Variants in CYTH3 observed in about 807,000 individuals in gnomAD.
The protein encoded by CYTH3 is cytohesin-3.
In CYTH3, 23 loss-of-function variants were observed where a neutral mutation model predicts 55.1. The ratio of observed to expected loss-of-function variants is 0.42; its 90% CI spans 0.30 to 0.59. CYTH3 has a LOEUF of 0.59. Ranked by LOEUF, CYTH3 falls within the 20% of genes least tolerant of loss-of-function variation. The pLI is 0.20. For synonymous variants in CYTH3, 249 were observed against 194.9 expected (o/e 1.28, Z -2.31); for missense variants, 413 against 524.8 (o/e 0.79, Z 2.08).
intron 1 of CYTH3, among the ~76,000 whole-genome samples, chr7:6,271,555 C>A (rs939945026): frequency 4.6e-5 from 7 of 152,144 alleles, no homozygotes; most frequent in Admixed American, 2.0e-4. Flanking sequence ...TAACCCTTTG[C>A]TTTCCAAAGC....
At chr7:6,228,777 T>C (rs1478231492) in intron 1 of CYTH3, among the ~76,000 whole-genome samples, 2 of 152,210 alleles carry the variant, frequency 1.3e-5, no homozygotes, top group African/African-American at 2.4e-5. Flanking sequence ...TTTTTAAGAA[T>C]GTAAAAATCC....
At chr7:6,238,724 G>A (rs1019686612) in intron 1 of CYTH3, among the ~76,000 whole-genome samples, 1 of 152,030 alleles carries the variant, frequency 6.6e-6, no homozygotes, top group Non-Finnish European at 1.5e-5. Context: ...TAGGTTCATC[G>A]ACTGTAACAA....
At chr7:6,247,888 A>C (rs538728016) in intron 1 of CYTH3, among the ~76,000 whole-genome samples, 8 of 150,490 alleles carry the variant, frequency 5.3e-5, no homozygotes, top group Non-Finnish European at 1.0e-4. Flanking sequence ...CCTGGTCTTA[A>C]ACTCCTGGGC....
chr7:6,272,200 A>T (rs1330484035), intron 1 of CYTH3, among the ~76,000 whole-genome samples: 2 of 150,640 alleles, frequency 1.3e-5, no homozygotes, highest in African/African-American at 4.9e-5. Context: ...CCGGCCCGAG[A>T]CTCCGGGGCG....
intron 1 of CYTH3, among the ~76,000 whole-genome samples, chr7:6,246,006 A>T (rs1779804748): frequency 6.6e-6 from 1 of 152,198 alleles, no homozygotes; most frequent in Non-Finnish European, 1.5e-5. Context: ...CCTCTCCCCA[A>T]AAAAGGTACT....
In CYTH3 at chr7:6,259,772, T is replaced by TATAATATA. The variant is rs1491219669; in HGVS notation, c.34+12701_34+12702insTATATTAT. 5.2e-3 allele frequency among the ~76,000 whole-genome samples: 158 copies of TATAATATA among 30,478 alleles called. 5 individuals are homozygous for TATAATATA. Among genetic ancestry groups the TATAATATA allele is most frequent in the Non-Finnish European group, 6.2e-3 (136 of 21,954 alleles). 20.0% of individuals were successfully genotyped at this position (30,478 alleles called of 152,430 possible). ...TATATATATATTATATATATATATA[T>TATAATATA]TATATATATATAATATATATATATA... On this transcript the variant is annotated intron_variant, in intron 1 of 12. Transcript: ENST00000350796.
intron 1 of CYTH3, among the ~76,000 whole-genome samples, chr7:6,206,456 G>C (rs538041743): frequency 6.6e-6 from 1 of 152,324 alleles, no homozygotes; most frequent in African/African-American, 2.4e-5. Context: ...AATCTGGGGA[G>C]GCAGAAAGTA....
At chr7:6,216,307 G>A (rs1392628707) in intron 1 of CYTH3, among the ~76,000 whole-genome samples, 5 of 152,010 alleles carry the variant, frequency 3.3e-5, no homozygotes, top group Non-Finnish European at 5.9e-5. Flanking sequence ...CATTTCATTT[G>A]AACTGGTAAA....
In CYTH3 at chr7:6,170,510, G is replaced by T; in HGVS notation, c.823+25C>A. The T allele has an allele frequency of 6.2e-7, 1 of 1,608,714 alleles. No homozygotes were observed. Among genetic ancestry groups the T allele is most frequent in the Non-Finnish European group, 8.5e-7 (1 of 1,176,244 alleles). On this transcript the variant is annotated intron_variant, in intron 9 of 12. Transcript: ENST00000350796. The surrounding 1 kb of genome is among the most constrained non-coding windows in gnomAD (Gnocchi z 7.8). ...TGCCATGGGCAGAGGGGTCACGCCC[G>T]GGTCCCGCTGGGCCGGCGGCTCACC...
intron 1 of CYTH3, among the ~76,000 whole-genome samples, chr7:6,255,199 G>T (rs967576492): frequency 8.5e-5 from 13 of 152,148 alleles, no homozygotes; most frequent in African/African-American, 3.1e-4. Flanking sequence ...TGACAGAGCT[G>T]CAGATATTTA....
At chr7:6,182,253 T>G (rs1783523108) in intron 4 of CYTH3, among the ~76,000 whole-genome samples, 1 of 152,222 alleles carries the variant, frequency 6.6e-6, no homozygotes, top group African/African-American at 2.4e-5. Context: ...TTTCACCATG[T>G]TAGCCAAGCT....
chr7:6,229,432 G>A (rs1021102493), intron 1 of CYTH3, among the ~76,000 whole-genome samples: 4 of 152,068 alleles, frequency 2.6e-5, no homozygotes, highest in Admixed American at 1.3e-4. Flanking sequence ...GTGGTCCACC[G>A]CCCAACTGCA....
At chr7:6,177,724 C>T in intron 5 of CYTH3, 99 bp downstream of exon 5, 3 of 935,320 alleles carry the variant, frequency 3.2e-6, no homozygotes, top group Non-Finnish European at 5.1e-6. Flanking sequence ...CTCTATCATG[C>T]CTTTAGGCTG....
intron 1 of CYTH3, among the ~76,000 whole-genome samples, chr7:6,268,390 G>T (rs1478517437): frequency 6.6e-6 from 1 of 152,098 alleles, no homozygotes; most frequent in South Asian, 2.1e-4. Flanking sequence ...GGCTGGTCTT[G>T]AATTCCTGAC....
Position 6,272,619 on chromosome 7 carries a change from G to C in CYTH3, c.-112C>G. ...CGACCGGGCGGCTCCTCAGCGCGCG[G>C]CCCGGGTCGCGGCCGGGCCTCCTCC... On this transcript the variant is annotated 5_prime_UTR_variant, in exon 1 of 13. Coordinates refer to ENST00000350796, the MANE Select transcript of CYTH3 (RefSeq NM_004227.4). The C allele has an allele frequency of 2.5e-6, 2 of 791,928 alleles. No homozygotes were observed. Among genetic ancestry groups the C allele is most frequent in the Non-Finnish European group, 3.1e-6 (2 of 642,290 alleles). 49.1% of individuals were successfully genotyped at this position (791,928 alleles called of 1,614,324 possible).
At chr7:6,241,897 T>C (rs1224823227) in intron 1 of CYTH3, among the ~76,000 whole-genome samples, 1 of 152,218 alleles carries the variant, frequency 6.6e-6, no homozygotes, top group Non-Finnish European at 1.5e-5. Flanking sequence ...GAGGCAGTGA[T>C]AAGAATTTAC....
chr7:6,253,396 A>G (rs1583199060), intron 1 of CYTH3, among the ~76,000 whole-genome samples: 3 of 151,786 alleles, frequency 2.0e-5, no homozygotes. Flanking sequence ...TTTAGTAGAG[A>G]TAGGGTTTCA....
chr7:6,262,348 A>G lies in CYTH3; in HGVS notation c.34+10126T>C, dbSNP rs555040121. ...GATCAAGCTTTGTCACAGCACTGCC[A>G]AAGAGAAGAAAAAGAACAACTAATC... On this transcript the variant is annotated intron_variant, in intron 1 of 12. Transcript: ENST00000350796. 2.6e-5 allele frequency among the ~76,000 whole-genome samples: 4 copies of G among 152,354 alleles called. No individual in the cohort carries two copies. In the East Asian group the frequency reaches 7.7e-4, roughly 29 times the overall value.
Position 6,162,311 on chromosome 7 carries a change from C to T in CYTH3, c.*2633G>A, listed in dbSNP as rs994179602. On this transcript the variant is annotated 3_prime_UTR_variant, in exon 13 of 13. Transcript: ENST00000350796. ...AGGCTGGAAGGGCTGTGGCAGTCGC[C>T]GCCGCCTCCCCGCGGGGCTCCCCTC... The T allele has an allele frequency of 2.6e-5, 4 of 152,220 alleles. No homozygotes were observed. The South Asian group carries it at 6.2e-4, about 24-fold the overall frequency. 9.4% of individuals were successfully genotyped at this position (152,220 alleles called of 1,614,324 possible).
Sources: gnomAD v4.1 joint callset for allele counts (sites outside exome capture counted in the v4.1 genomes callset) on GRCh38, gnomAD v4.1.1 for gene constraint, Gnocchi (gnomAD v3.1) non-coding constraint, MANE v1.5 for transcripts, NCBI Gene and HGNC (gene_info 2026-07-23, HGNC 2026-07-21) for gene names.